Variants in FRMPD4 observed in about 807,000 individuals in gnomAD.
FRMPD4 encodes the protein FERM and PDZ domain-containing protein 4.
A neutral mutation model predicts 94.1 loss-of-function variants in FRMPD4; 22 were observed. The ratio of observed to expected loss-of-function variants is 0.23; its 90% CI spans 0.17 to 0.33. FRMPD4 has a LOEUF of 0.33. FRMPD4 is among the 10% of genes least tolerant of loss of function. FRMPD4 has a pLI of 1.00. For missense variants in FRMPD4, 1,111 were observed against 1,339.9 expected (o/e 0.83, Z 2.67); for synonymous variants, 631 against 548.6 (o/e 1.15, Z -2.10).
chrX:11,873,947 G>A (rs908131769), intron 2 of FRMPD4, among the ~76,000 whole-genome samples: 1 of 110,797 alleles, frequency 9.0e-6, no homozygotes, highest in Non-Finnish European at 1.9e-5. Flanking sequence ...TTGGGAGGCT[G>A]AGTCTCCAGA....
chrX:11,960,380 A>C (rs1399207882), intron 3 of FRMPD4, among the ~76,000 whole-genome samples: 1 of 111,834 alleles, frequency 8.9e-6, no homozygotes, highest in African/African-American at 3.3e-5. Flanking sequence ...GTCATTGGGA[A>C]GGCCATGCAT....
At chrX:11,931,739 T>A (rs1259795986) in intron 3 of FRMPD4, among the ~76,000 whole-genome samples, 2 of 112,385 alleles carry the variant, frequency 1.8e-5, no homozygotes, top group Admixed American at 1.9e-4. Flanking sequence ...GGCAGCCATC[T>A]TTAGTCCATT....
Position 12,139,013 on chromosome X carries a change from G to A in FRMPD4, c.41+1G>A. On this transcript the variant is annotated splice_donor_variant, in intron 1 of 16. Coordinates refer to ENST00000675598, the MANE Select transcript of FRMPD4 (RefSeq NM_001368397.1). LOFTEE classifies it high-confidence loss of function. ...TTGTGAAGATTGCAAAGCTTTCGAG[G>A]TAGGGGCTGCGCGGGTTCCGTTTGC... 1 of 1,161,780 alleles carries A rather than the reference G, an allele frequency of 8.6e-7. No homozygotes were observed. Among genetic ancestry groups the A allele is most frequent in the Admixed American group, 2.5e-5 (1 of 40,645 alleles).
chrX:12,104,524 T>C (rs2055280357), intron 3 of FRMPD4, among the ~76,000 whole-genome samples: 1 of 112,698 alleles, frequency 8.9e-6, no homozygotes, highest in Non-Finnish European at 1.9e-5. Flanking sequence ...ATAATGTATG[T>C]GCTAAAACCT....
At chrX:12,252,231 GA>G (rs66474384) in intron 1 of FRMPD4, among the ~76,000 whole-genome samples, 473 of 111,314 alleles carry the variant, frequency 4.2e-3, no homozygotes, top group African/African-American at 0.015. Context: ...CCAGGCTCTG[GA>G]ATAGCAGGGT....
intron 3 of FRMPD4, among the ~76,000 whole-genome samples, chrX:11,987,097 T>TCAAAAAAAAAAA (rs1569137639): frequency 2.7e-4 from 4 of 14,642 alleles, no homozygotes; most frequent in African/African-American, 1.9e-3. Context: ...CAAAGACACA[T>TCAAAAAAAAAAA]TAAAAAAAAA....
intron 3 of FRMPD4, among the ~76,000 whole-genome samples, chrX:12,095,969 C>G (rs1460840645): frequency 8.9e-6 from 1 of 111,896 alleles, no homozygotes; most frequent in Non-Finnish European, 1.9e-5. Flanking sequence ...GGATCTCTGC[C>G]TTTCCCTCTG....
chrX:12,523,850 GAAA>G lies in FRMPD4; in HGVS notation c.158+25067_158+25069del, dbSNP rs781135374. Reference sequence around the variant, plus strand: ...GGCAATAAGGAAACAGAATAATTGGGAAAAAAAAAAAAAAAGAACACCTGCTGA... The same window carrying G: ...GGCAATAAGGAAACAGAATAATTGGGAAAAAAAAAAAAGAACACCTGCTGA... On this transcript the variant is annotated intron_variant, in intron 2 of 16. Coordinates refer to ENST00000675598, the MANE Select transcript of FRMPD4 (RefSeq NM_001368397.1). 1.5e-4 allele frequency among the ~76,000 whole-genome samples: 14 copies of G among 92,085 alleles called. 1 individual carries two copies. Among genetic ancestry groups the G allele is most frequent in the African/African-American group, 5.4e-4 (14 of 25,982 alleles). 80.0% of individuals were successfully genotyped at this position (92,085 alleles called of 115,157 possible).
At chrX:12,591,064 C>T (rs929927018) in intron 2 of FRMPD4, among the ~76,000 whole-genome samples, 16 of 111,266 alleles carry the variant, frequency 1.4e-4, no homozygotes, top group African/African-American at 4.9e-4. Flanking sequence ...TTCAGAGGGC[C>T]GACCCCCAAA....
chrX:12,180,701 A>G (rs781017319), intron 1 of FRMPD4, among the ~76,000 whole-genome samples: 15 of 112,667 alleles, frequency 1.3e-4, no homozygotes, highest in South Asian at 7.4e-4. Flanking sequence ...TGTAACAAAT[A>G]TTTTTGACTT....
chrX:12,422,026 ATTTTGGTATGTAAAACAT>A (rs1569270112), intron 1 of FRMPD4, among the ~76,000 whole-genome samples: 2 of 112,329 alleles, frequency 1.8e-5, no homozygotes, highest in South Asian at 3.7e-4. Flanking sequence ...GGTGTAAAAC[ATTTTGGTATGTAAAACAT>A]TTTTGGTATG....
intron 1 of FRMPD4, among the ~76,000 whole-genome samples, chrX:12,232,256 C>T (rs930053643): frequency 3.6e-5 from 4 of 111,675 alleles, no homozygotes; most frequent in African/African-American, 1.3e-4. Context: ...ATACCCAAGA[C>T]TGGGTAATTT....
At chrX:12,207,425 T>C (rs2056705401) in intron 1 of FRMPD4, among the ~76,000 whole-genome samples, 1 of 111,167 alleles carries the variant, frequency 9.0e-6, no homozygotes, top group African/African-American at 3.3e-5. Context: ...CTCATTCCAA[T>C]ATTGGCAGCA....
intron 2 of FRMPD4, among the ~76,000 whole-genome samples, chrX:12,561,247 T>G (rs2058657325): frequency 4.4e-5 from 5 of 112,607 alleles, no homozygotes; most frequent in Admixed American, 3.8e-4. Flanking sequence ...ATTCAATATA[T>G]TCCCAATAAA....
intron 3 of FRMPD4, among the ~76,000 whole-genome samples, chrX:11,931,602 T>C (rs1313027130): frequency 8.9e-6 from 1 of 112,302 alleles, no homozygotes; most frequent in Non-Finnish European, 1.9e-5. Flanking sequence ...GCTAGTACCC[T>C]TAAAAGTGAG....
chrX:11,911,819 G>A lies in FRMPD4; in HGVS notation c.95+33801G>A, dbSNP rs144073289. ...TTGCTTTGCAAGTAATTGCTGTTGAGCCAGAAGATATTTCAGCAATCAGAG... is the reference window on the plus strand; with the variant it reads ...TTGCTTTGCAAGTAATTGCTGTTGAACCAGAAGATATTTCAGCAATCAGAG... On this transcript the variant is annotated intron_variant, in intron 3 of 18. Coordinates refer to the FRMPD4 transcript ENST00000640291. Among the ~76,000 whole-genome samples, 982 of 112,201 alleles carry A rather than the reference G, an allele frequency of 8.8e-3. 2 individuals carry two copies. Among genetic ancestry groups the A allele is most frequent in the Non-Finnish European group, 0.015 (814 of 53,194 alleles).
At chrX:12,644,607 G>C (rs2059531006) in intron 4 of FRMPD4, among the ~76,000 whole-genome samples, 1 of 111,238 alleles carries the variant, frequency 9.0e-6, no homozygotes, top group Admixed American at 9.6e-5. Flanking sequence ...GTAGCTAAGA[G>C]GGCAGAAAAA....
intron 1 of FRMPD4, among the ~76,000 whole-genome samples, chrX:12,229,300 T>C (rs969223614): frequency 5.4e-5 from 6 of 112,042 alleles, no homozygotes; most frequent in Non-Finnish European, 1.1e-4. Context: ...CAATTCTGGA[T>C]CCACTGTGGG....
chrX:12,400,109 C>A (rs187728094), intron 1 of FRMPD4, among the ~76,000 whole-genome samples: 1 of 112,114 alleles, frequency 8.9e-6, no homozygotes, highest in African/African-American at 3.2e-5. Flanking sequence ...CGCAGGCATA[C>A]TACTTATATC....
Sources: gnomAD v4.1 joint callset for allele counts (sites outside exome capture counted in the v4.1 genomes callset) on GRCh38, gnomAD v4.1.1 for gene constraint, MANE v1.5 for transcripts, NCBI Gene and HGNC (gene_info 2026-07-23, HGNC 2026-07-21) for gene names.